TRIM44: variants seen among roughly 807,000 people sequenced by gnomAD.
TRIM44 encodes the protein tripartite motif-containing protein 44.
TRIM44 carries 13 observed loss-of-function variants against 37.4 expected under a neutral mutation model. The ratio of observed to expected loss-of-function variants is 0.35; its 90% CI spans 0.23 to 0.55. The LOEUF is 0.55. Among genes scored for constraint, TRIM44 ranks in the 20% least tolerant of loss-of-function variants. The probability of loss-of-function intolerance (pLI) is 0.89; values close to 1 mark genes in which losing one functional copy is unlikely to be tolerated. For synonymous variants in TRIM44, 175 were observed against 157.2 expected, an observed-to-expected ratio of 1.11 and a Z score of -0.85; for missense variants, 426 against 437.2, an observed-to-expected ratio of 0.97 and a Z score of 0.23.
chr11:35,737,272 A>G (rs1459519783), intron 4 of TRIM44, among the ~76,000 whole-genome samples: 1 of 152,230 alleles, frequency 6.6e-6, no homozygotes, highest in African/African-American at 2.4e-5. Flanking sequence ...TAAGCGCTAT[A>G]CTGAAGGCAA....
chr11:35,803,675 C>T (rs908871781), intron 4 of TRIM44, among the ~76,000 whole-genome samples: 4 of 152,110 alleles, frequency 2.6e-5, no homozygotes, highest in South Asian at 2.1e-4. Context: ...GAGCGAAGAT[C>T]GCACTGATGC....
At position 35,807,078 on chromosome 11, in the gene TRIM44, G is replaced by A. The variant is rs544175546; in HGVS notation, c.*693G>A. The A allele has an allele frequency of 1.3e-5, 2 of 152,276 alleles. No homozygotes were observed. The highest frequency in any genetic ancestry group is 3.9e-4 in the East Asian group (2 of 5,174). 9.4% of individuals were successfully genotyped at this position (152,276 alleles called of 1,614,324 possible). A position where few individuals can be genotyped will look rare whatever the true frequency, so the allele number is the denominator to read the frequency against. On this transcript the variant is annotated 3_prime_UTR_variant, in exon 5 of 5. Transcript: ENST00000299413. ...GAAATGACCTTAGGGGGAAAAAAAA[G>A]GACCAAAGAAGTCTGATTAAAAGTT...
rs1424157427 is a variant in TRIM44 at position 35,810,374 on chromosome 11, T to C, written c.*3989T>C. Reference sequence around the variant, plus strand: ...TACTGTGTGCTGATCACATCAGATTTTTATGTTTAAAAAAATCTCATTATG... The same window carrying C: ...TACTGTGTGCTGATCACATCAGATTCTTATGTTTAAAAAAATCTCATTATG... On this transcript the variant is annotated 3_prime_UTR_variant, in exon 5 of 5. Transcript: ENST00000299413. 6.6e-6 allele frequency: 1 copy of C among 152,128 alleles called. No homozygotes were observed. The highest frequency in any genetic ancestry group is 2.4e-5 in the African/African-American group (1 of 41,426). The allele number at this position is 152,128 out of a possible 1,614,324, so 9.4% of individuals were successfully genotyped here. A position where few individuals can be genotyped will look rare whatever the true frequency, so the allele number is the denominator to read the frequency against.
At chr11:35,703,627 C>T (rs1298498864) in intron 2 of TRIM44, among the ~76,000 whole-genome samples, 1 of 152,208 alleles carries the variant, frequency 6.6e-6, no homozygotes, top group Non-Finnish European at 1.5e-5. Context: ...TCTGCAGCCA[C>T]CGCTGCTGGT....
At chr11:35,699,771 C>A (rs939824775) in intron 2 of TRIM44, among the ~76,000 whole-genome samples, 4 of 151,950 alleles carry the variant, frequency 2.6e-5, no homozygotes, top group South Asian at 4.2e-4. Context: ...GATACAAAAT[C>A]AATGTGCAAA....
intron 4 of TRIM44, among the ~76,000 whole-genome samples, chr11:35,787,792 A>G (rs990291690): frequency 1.3e-5 from 2 of 152,122 alleles, no homozygotes; most frequent in Non-Finnish European, 2.9e-5. Context: ...CTTGTGCCCA[A>G]TCTTTTGTGA....
intron 4 of TRIM44, among the ~76,000 whole-genome samples, chr11:35,770,051 G>A (rs558070263): frequency 2.0e-5 from 3 of 152,110 alleles, no homozygotes; most frequent in East Asian, 1.9e-4. Flanking sequence ...TTCAACCCTT[G>A]CCCCACTCCC....
intron 2 of TRIM44, among the ~76,000 whole-genome samples, chr11:35,714,869 T>C: frequency 6.6e-6 from 1 of 152,162 alleles, no homozygotes; most frequent in East Asian, 1.9e-4. Flanking sequence ...GAAAACAAGA[T>C]GGAATAGAAG....
At chr11:35,804,619 G>A (rs1046815780) in intron 4 of TRIM44, among the ~76,000 whole-genome samples, 7 of 152,296 alleles carry the variant, frequency 4.6e-5, no homozygotes, top group Middle Eastern at 3.4e-3. Flanking sequence ...AGAATATGAC[G>A]CCAGTTCCAG....
At chr11:35,785,430 C>T (rs1457784877) in intron 4 of TRIM44, among the ~76,000 whole-genome samples, 5 of 152,362 alleles carry the variant, frequency 3.3e-5, no homozygotes, top group Admixed American at 2.0e-4. Flanking sequence ...AAGGTGCCTT[C>T]TGCAGCGTTG....
intron 3 of TRIM44, among the ~76,000 whole-genome samples, chr11:35,727,539 C>T (rs1852193219): frequency 6.6e-6 from 1 of 152,194 alleles, no homozygotes; most frequent in African/African-American, 2.4e-5. Flanking sequence ...AAAAGAATAA[C>T]TCTTCTTCTT....
intron 2 of TRIM44, among the ~76,000 whole-genome samples, chr11:35,701,086 A>G (rs1020044163): frequency 1.2e-4 from 19 of 152,094 alleles, no homozygotes; most frequent in African/African-American, 4.3e-4. Flanking sequence ...GAAAGCATGC[A>G]GTTTCTAAGG....
intron 2 of TRIM44, among the ~76,000 whole-genome samples, chr11:35,693,369 C>T (rs1306714013): frequency 1.3e-5 from 2 of 152,088 alleles, no homozygotes; most frequent in Non-Finnish European, 2.9e-5. Context: ...GTATTACCAT[C>T]ATAAATGTAC....
intron 4 of TRIM44, among the ~76,000 whole-genome samples, chr11:35,789,302 G>C (rs1853171223): frequency 1.3e-5 from 2 of 152,054 alleles, no homozygotes; most frequent in East Asian, 3.9e-4. Context: ...AGTCTGATTG[G>C]GACTGAGAAT....
intron 3 of TRIM44, among the ~76,000 whole-genome samples, chr11:35,734,884 C>T (rs1184367395): frequency 6.6e-6 from 1 of 152,148 alleles, no homozygotes; most frequent in Non-Finnish European, 1.5e-5. Flanking sequence ...TAATGTTTGC[C>T]CAAGGACACA....
chr11:35,747,931 C>T (rs895627535), intron 4 of TRIM44, among the ~76,000 whole-genome samples: 1 of 151,960 alleles, frequency 6.6e-6, no homozygotes, highest in African/African-American at 2.4e-5. Flanking sequence ...GGAGGGAAAA[C>T]TTAGCAATTA....
At chr11:35,794,875 T>C (rs1308957913) in intron 4 of TRIM44, among the ~76,000 whole-genome samples, 1 of 152,210 alleles carries the variant, frequency 6.6e-6, no homozygotes, top group Non-Finnish European at 1.5e-5. Context: ...GGGAACAAAA[T>C]AGTTAAAGCC....
At chr11:35,748,850 C>A (rs539505690) in intron 4 of TRIM44, among the ~76,000 whole-genome samples, 7 of 152,128 alleles carry the variant, frequency 4.6e-5, no homozygotes, top group Non-Finnish European at 8.8e-5. Flanking sequence ...TAACTTGGTT[C>A]TATGGCTCAG....
At chr11:35,727,678 A>G (rs961397237) in intron 3 of TRIM44, among the ~76,000 whole-genome samples, 1 of 152,194 alleles carries the variant, frequency 6.6e-6, no homozygotes, top group African/African-American at 2.4e-5. Context: ...TACAAATGGG[A>G]TATTTGAGAT....
Sources: allele counts gnomAD v4.1 joint callset (sites outside exome capture counted in the v4.1 genomes callset), GRCh38; gene constraint gnomAD v4.1.1; transcripts MANE v1.5; gene names NCBI Gene and HGNC (gene_info 2026-07-23, HGNC 2026-07-21).